The following SHISA9 variants were observed in gnomAD, a reference collection of about 807,000 sequenced individuals.
The protein encoded by SHISA9 is protein shisa-9.
Under a neutral mutation model 38.0 loss-of-function variants are expected in SHISA9, and 13 were observed. That is an observed-to-expected ratio of 0.34 (90% CI 0.22 to 0.54). The LOEUF (loss-of-function observed/expected upper bound fraction) is 0.54. SHISA9 is among the 20% of genes least tolerant of loss of function. The pLI is 0.91. For synonymous variants in SHISA9, 275 were observed against 242.0 expected, an observed-to-expected ratio of 1.14 and a Z score of -1.27; for missense variants, 538 against 575.8, an observed-to-expected ratio of 0.93 and a Z score of 0.67.
At chr16:13,117,082 C>T (rs1212262199) in intron 2 of SHISA9, among the ~76,000 whole-genome samples, 1 of 152,188 alleles carries the variant, frequency 6.6e-6, no homozygotes, top group Non-Finnish European at 1.5e-5. Flanking sequence ...AAGCAATTCT[C>T]CTACCTCAGC....
At chr16:13,431,879 A>C in the SHISA9 span, among the ~76,000 whole-genome samples, 1 of 152,120 alleles carries the variant, frequency 6.6e-6, no homozygotes, top group African/African-American at 2.4e-5. Context: ...TGGCCAACAT[A>C]GAGACACCTC....
intron 2 of SHISA9, among the ~76,000 whole-genome samples, chr16:13,001,302 G>T (rs2072522385): frequency 6.6e-6 from 1 of 152,134 alleles, no homozygotes. Flanking sequence ...ATAATTAGGG[G>T]CAGGCAGGGT....
At chr16:13,133,645 T>G (rs766653016) in intron 2 of SHISA9, among the ~76,000 whole-genome samples, 7 of 152,168 alleles carry the variant, frequency 4.6e-5, no homozygotes, top group Non-Finnish European at 8.8e-5. Context: ...GTTGGCTGGT[T>G]TCCCCTCACA....
chr16:13,539,057 T>C, the SHISA9 span, among the ~76,000 whole-genome samples: 1 of 152,006 alleles, frequency 6.6e-6, no homozygotes, highest in Non-Finnish European at 1.5e-5. Context: ...CAATGTTTTC[T>C]GAGGGTCTTT....
intron 2 of SHISA9, among the ~76,000 whole-genome samples, chr16:13,157,217 G>T (rs957694063): frequency 6.6e-6 from 1 of 152,044 alleles, no homozygotes; most frequent in Non-Finnish European, 1.5e-5. Flanking sequence ...GCTGAGTGCT[G>T]GGCTATAAGA....
At chr16:13,356,471 G>C in the SHISA9 span, among the ~76,000 whole-genome samples, 1 of 152,152 alleles carries the variant, frequency 6.6e-6, no homozygotes, top group East Asian at 1.9e-4. Context: ...CTTTTTAAGA[G>C]TAAATTGCTG....
chr16:13,156,148 C>A (rs918485908), intron 2 of SHISA9, among the ~76,000 whole-genome samples: 1 of 152,150 alleles, frequency 6.6e-6, no homozygotes, highest in Admixed American at 6.5e-5. Context: ...TGGCATTCTT[C>A]ATGTAGCTTA....
intron 2 of SHISA9, among the ~76,000 whole-genome samples, chr16:12,931,530 C>T (rs545999035): frequency 2.1e-4 from 32 of 152,318 alleles, no homozygotes; most frequent in African/African-American, 7.7e-4. Flanking sequence ...TAAGTGAGAA[C>T]ATGTGGTATT....
intron 2 of SHISA9, among the ~76,000 whole-genome samples, chr16:13,019,397 AG>A (rs2072795347): frequency 6.6e-6 from 1 of 152,136 alleles, no homozygotes; most frequent in African/African-American, 2.4e-5. Flanking sequence ...GGCTTGCTGA[AG>A]GTGGCTTCTT....
In SHISA9 at chr16:13,173,244, G is replaced by A. The variant is rs116670219; in HGVS notation, c.692-30150G>A. Among the ~76,000 whole-genome samples the A allele has an allele frequency of 9.3e-3, 1,403 of 150,928 alleles. 10 individuals are homozygous for A. Among genetic ancestry groups the A allele is most frequent in the African/African-American group, 0.025 (1,037 of 41,080 alleles). ...TTTAGGTTTTGATTAACACCTTAGC[G>A]TTAACAATGCAATATAAACACACAG... On this transcript the variant is annotated intron_variant, in intron 2 of 4. Coordinates refer to ENST00000558583, the MANE Select transcript of SHISA9 (RefSeq NM_001145204.3).
chr16:13,405,129 G>C, the SHISA9 span, among the ~76,000 whole-genome samples: 1 of 152,204 alleles, frequency 6.6e-6, no homozygotes, highest in South Asian at 2.1e-4. Flanking sequence ...GATGGCTATA[G>C]TGTAGCAAAA....
the SHISA9 span, among the ~76,000 whole-genome samples, chr16:13,416,791 G>GGAAGGAAGGAAGGAAGGAA: frequency 6.6e-4 from 48 of 73,032 alleles, no homozygotes; most frequent in Non-Finnish European, 1.0e-3. Flanking sequence ...AAGGAAGGAA[G>GGAAGGAAGGAAGGAAGGAA]GGAAGGAAGG....
chr16:12,995,856 A>G (rs1156876909), intron 2 of SHISA9, among the ~76,000 whole-genome samples: 1 of 152,150 alleles, frequency 6.6e-6, no homozygotes, highest in African/African-American at 2.4e-5. Flanking sequence ...GAAAGTCTTG[A>G]AATTCCTGCT....
At chr16:13,008,789 G>A (rs1373625777) in intron 2 of SHISA9, among the ~76,000 whole-genome samples, 2 of 151,866 alleles carry the variant, frequency 1.3e-5, no homozygotes, top group African/African-American at 4.8e-5. Flanking sequence ...AGAACTGTGA[G>A]TCAATTAAAC....
At chr16:13,134,150 C>A (rs2050328083) in intron 2 of SHISA9, among the ~76,000 whole-genome samples, 1 of 152,174 alleles carries the variant, frequency 6.6e-6, no homozygotes, top group African/African-American at 2.4e-5. Flanking sequence ...GGTAGTAGCA[C>A]CAGACTGCCT....
At chr16:13,162,205 G>A (rs2050601013) in intron 2 of SHISA9, among the ~76,000 whole-genome samples, 1 of 152,270 alleles carries the variant, frequency 6.6e-6, no homozygotes, top group Middle Eastern at 3.4e-3. Context: ...TTCTCCTGGG[G>A]ACAGAGTGTA....
At chr16:13,200,400 A>G (rs12926534) in intron 2 of SHISA9, among the ~76,000 whole-genome samples, 2 of 145,392 alleles carry the variant, frequency 1.4e-5, no homozygotes, top group Non-Finnish European at 3.0e-5. Context: ...ACCAAAAAAT[A>G]TATCATGAAA....
chr16:13,434,541 C>T, the SHISA9 span, among the ~76,000 whole-genome samples: 1 of 151,320 alleles, frequency 6.6e-6, no homozygotes, highest in Admixed American at 6.6e-5. Flanking sequence ...CCTCAGCCTC[C>T]CGAGTAGCTG....
chr16:12,967,367 C>A (rs558311497), intron 2 of SHISA9, among the ~76,000 whole-genome samples: 5 of 152,090 alleles, frequency 3.3e-5, no homozygotes, highest in Admixed American at 1.3e-4. Flanking sequence ...AATGAGAACA[C>A]ATGGACACAG....
Sources: allele counts gnomAD v4.1 joint callset (sites outside exome capture counted in the v4.1 genomes callset), GRCh38; gene constraint gnomAD v4.1.1; transcripts MANE v1.5; gene names NCBI Gene and HGNC (gene_info 2026-07-23, HGNC 2026-07-21).